The following PDS5A variants were observed in gnomAD, a reference collection of about 807,000 sequenced individuals.
The protein encoded by PDS5A is sister chromatid cohesion protein PDS5 homolog A.
In PDS5A, 42 loss-of-function variants were observed where a neutral mutation model predicts 167.1. The ratio of observed to expected loss-of-function variants is 0.25; its 90% confidence interval spans 0.20 to 0.33. PDS5A has a LOEUF of 0.33. PDS5A is among the 10% of genes least tolerant of loss of function. The probability of loss-of-function intolerance (pLI) is 1.00; values close to 1 mark genes in which losing one functional copy is unlikely to be tolerated. For synonymous variants in PDS5A, 553 were observed against 554.6 expected (o/e 1.00, Z 0.04); for missense variants, 1,033 against 1,605.9 (o/e 0.64, Z 6.10).
chr4:39,940,651 G>C (rs1367640738), intron 2 of PDS5A, among the ~76,000 whole-genome samples: 2 of 152,172 alleles, frequency 1.3e-5, no homozygotes, highest in East Asian at 3.8e-4. Flanking sequence ...GGAAGAAACA[G>C]ACCTACAGAT....
chr4:39,973,358 G>A, intron 2 of PDS5A: 1 of 1,604,806 alleles, frequency 6.2e-7, no homozygotes, highest in Non-Finnish European at 8.5e-7. Context: ...ACTTGTGGCT[G>A]TGCATTAAGA....
At chr4:39,862,062 T>A (rs1168147976) in intron 26 of PDS5A, among the ~76,000 whole-genome samples, 157 bp downstream of exon 26, 1 of 152,094 alleles carries the variant, frequency 6.6e-6, no homozygotes, top group South Asian at 2.1e-4. Context: ...GGGAAAATTT[T>A]TGAAAGACGA....
chr4:39,909,056 A>AAAATAAATAAAAT (rs1192001578), intron 10 of PDS5A, among the ~76,000 whole-genome samples: 2,644 of 143,044 alleles, frequency 0.018, 125 homozygotes, highest in East Asian at 0.17. Flanking sequence ...AAAATAAAAT[A>AAAATAAATAAAAT]AAATAAAATA....
intron 17 of PDS5A, among the ~76,000 whole-genome samples, chr4:39,888,285 CAG>C (rs775983920): frequency 3.5e-4 from 47 of 135,856 alleles, no homozygotes; most frequent in Non-Finnish European, 5.7e-4. Flanking sequence ...ATCAACAAGA[CAG>C]GGAATAACGG....
intron 7 of PDS5A, 85 bp from the exon 8 acceptor site, chr4:39,917,273 A>T: frequency 1.1e-6 from 1 of 877,906 alleles, no homozygotes; most frequent in Non-Finnish European, 1.7e-6. Context: ...TTTTATAAAT[A>T]ATTTAATTAG....
intron 10 of PDS5A, 43 bp downstream of exon 10, chr4:39,910,201 T>G (rs1250459213): frequency 2.0e-6 from 2 of 976,762 alleles, no homozygotes; most frequent in Non-Finnish European, 1.6e-6. Context: ...TACAATATAG[T>G]TGTATGGTTA....
intron 9 of PDS5A, among the ~76,000 whole-genome samples, chr4:39,913,108 CAG>C (rs1224636666): frequency 1.4e-5 from 2 of 146,150 alleles, no homozygotes; most frequent in African/African-American, 2.5e-5. Flanking sequence ...TTTTTTTAGA[CAG>C]AGTCTCACTC....
chr4:39,929,518 A>AATATATATATAT (rs1725770084), intron 2 of PDS5A, among the ~76,000 whole-genome samples: 1 of 22,766 alleles, frequency 4.4e-5, no homozygotes, highest in Admixed American at 6.9e-4. Flanking sequence ...TACTTAATAA[A>AATATATATATAT]CTATATATAT....
intron 10 of PDS5A, chr4:39,908,748 GTGT>G (rs1357074680): frequency 1.9e-6 from 1 of 529,906 alleles, no homozygotes; most frequent in Non-Finnish European, 3.3e-6. Flanking sequence ...AGTTGGCCAG[GTGT>G]GATGGCCCAC....
chr4:39,930,362 G>A (rs944884624), intron 2 of PDS5A, among the ~76,000 whole-genome samples: 3 of 150,178 alleles, frequency 2.0e-5, no homozygotes, highest in Non-Finnish European at 3.0e-5. Flanking sequence ...CAAAGTGTTG[G>A]GATTACAGGC....
chr4:39,955,939 AC>A (rs1560515963), intron 2 of PDS5A, among the ~76,000 whole-genome samples: 1 of 151,998 alleles, frequency 6.6e-6, no homozygotes, highest in African/African-American at 2.4e-5. Flanking sequence ...ACATGGCGAA[AC>A]CCCATCTCTA....
intron 26 of PDS5A, among the ~76,000 whole-genome samples, chr4:39,861,350 C>T (rs925214235): frequency 2.6e-4 from 39 of 151,930 alleles, no homozygotes; most frequent in African/African-American, 9.4e-4. Flanking sequence ...CCCAGCTACT[C>T]GGGAGGCTGA....
At chr4:39,879,951 G>A in intron 17 of PDS5A, 118 bp from the exon 18 acceptor site, 1 of 573,400 alleles carries the variant, frequency 1.7e-6, no homozygotes, top group East Asian at 2.9e-5. Context: ...GTTTCTGTGG[G>A]GGAAAAAAGT....
chr4:39,890,601 G>A (rs2109620166), intron 16 of PDS5A, among the ~76,000 whole-genome samples: 1 of 152,160 alleles, frequency 6.6e-6, no homozygotes, highest in African/African-American at 2.4e-5. Flanking sequence ...ATTCTTTGAT[G>A]AAATTATTGG....
chr4:39,896,903 CTTT>C (rs35055129), intron 16 of PDS5A, among the ~76,000 whole-genome samples: 1 of 145,124 alleles, frequency 6.9e-6, no homozygotes, highest in African/African-American at 2.5e-5. Context: ...CCGTTATAAT[CTTT>C]TTTTTTTTTT....
At chr4:39,855,516 G>A (rs1334490858) in intron 26 of PDS5A, among the ~76,000 whole-genome samples, 1 of 152,128 alleles carries the variant, frequency 6.6e-6, no homozygotes, top group Admixed American at 6.5e-5. Flanking sequence ...CCCTGAGGAG[G>A]CCCAGATTTT....
Position 39,910,271 on chromosome 4 carries a change from G to T in PDS5A, c.1060C>A (p.His354Asn). 6.3e-7 allele frequency: 1 copy of T among 1,583,738 alleles called. No individual in the cohort carries two copies. The highest frequency in any genetic ancestry group is 8.6e-7 in the Non-Finnish European group (1 of 1,156,878). The change falls in exon 10 of 33, where the codon CAC becomes AAC. Residue 354 changes from histidine to asparagine, a missense_variant. By Grantham distance (68) the His-to-Asn change is moderately conservative. Transcript: ENST00000303538. ...VKFASHCLMNHPDLAKDLTEY... is the reference protein window; with the variant it reads ...VKFASHCLMNNPDLAKDLTEY... ...GTGAGATCCTTCGCTAAATCTGGGT[G>T]ATTCATTAAACAATGACTGGCAAAT...
chr4:39,949,719 A>G (rs992099684), intron 2 of PDS5A, among the ~76,000 whole-genome samples: 1 of 147,750 alleles, frequency 6.8e-6, no homozygotes, highest in Non-Finnish European at 1.5e-5. Flanking sequence ...CCGGCTACGC[A>G]GGAGGCTGGG....
intron 19 of PDS5A, 79 bp downstream of exon 19, chr4:39,876,914 C>T: frequency 9.1e-7 from 1 of 1,095,122 alleles, no homozygotes; most frequent in Non-Finnish European, 1.3e-6. Context: ...TATCTTCCTA[C>T]ACAGAAGGAA....
Sources: gnomAD v4.1 joint callset for allele counts (sites outside exome capture counted in the v4.1 genomes callset) on GRCh38, gnomAD v4.1.1 for gene constraint, MANE v1.5 for transcripts, NCBI Gene and HGNC (gene_info 2026-07-23, HGNC 2026-07-21) for gene names.